The following DMD variants were observed in gnomAD, a reference collection of about 807,000 sequenced individuals.
DMD encodes the protein dystrophin.
Under a neutral mutation model 330.1 loss-of-function variants are expected in DMD, and 63 were observed. The ratio of observed to expected loss-of-function variants is 0.19; its 90% CI spans 0.16 to 0.24. DMD has a LOEUF of 0.24. DMD is among the 10% of genes least tolerant of loss of function. The probability of loss-of-function intolerance (pLI) is 1.00; values close to 1 mark genes in which losing one functional copy is unlikely to be tolerated. For missense variants in DMD, 3,344 were observed against 2,684.1 expected (o/e 1.25, Z -5.43); for synonymous variants, 1,223 against 959.8 (o/e 1.27, Z -5.07).
rs181219849 is a variant in DMD, at chrX:32,658,002, C to T, written c.961-12850G>A. ...AAATCAAAACAAAATACACATATCT[C>T]GTGAAAACTTATTATTTCAAATTGA... On this transcript the variant is annotated intron_variant, in intron 9 of 78. Coordinates refer to ENST00000357033, the MANE Select transcript of DMD (RefSeq NM_004006.3). Among the ~76,000 whole-genome samples the T allele has an allele frequency of 3.6e-5, 4 of 111,356 alleles. No homozygotes were observed. The East Asian group carries it at 8.5e-4, about 24-fold the overall frequency.
chrX:33,259,400 C>T (rs989175411), intron 1 of DMD, among the ~76,000 whole-genome samples: 1 of 110,162 alleles, frequency 9.1e-6, no homozygotes, highest in Non-Finnish European at 1.9e-5. Flanking sequence ...AAGTATTCAA[C>T]GATGTGTCCA....
chrX:31,305,615 T>G (rs2054967377), intron 62 of DMD, among the ~76,000 whole-genome samples: 1 of 112,099 alleles, frequency 8.9e-6, no homozygotes. Context: ...TGGCTCTTCA[T>G]ATTTCCTCAC....
intron 1 of DMD, among the ~76,000 whole-genome samples, chrX:33,337,209 C>T (rs1159808615): frequency 9.0e-6 from 1 of 111,384 alleles, no homozygotes; most frequent in Non-Finnish European, 1.9e-5. Context: ...CACATTTTTT[C>T]GAAGGAGACA....
chrX:32,872,369 G>A (rs1318096712), intron 2 of DMD, among the ~76,000 whole-genome samples: 3 of 111,778 alleles, frequency 2.7e-5, no homozygotes, highest in Non-Finnish European at 5.6e-5. Flanking sequence ...ATCACACACA[G>A]TGAATTGCTC....
At chrX:32,273,236 A>G (rs1226293395) in intron 43 of DMD, among the ~76,000 whole-genome samples, 4 of 110,250 alleles carry the variant, frequency 3.6e-5, no homozygotes, top group East Asian at 5.7e-4. Flanking sequence ...AGGGTTAACT[A>G]AAGACAAAGT....
rs773939250 is a variant in DMD at position 31,289,251 on chromosome X, C to CAA, written c.9225-28237_9225-28236dup. ...CTGCACTCCAGCCTGGGTGACAGAG[C>CAA]AAAAAAAAAAAAAATAAAAAATAAA... On this transcript the variant is annotated intron_variant, in intron 62 of 78. Coordinates refer to ENST00000357033, the MANE Select transcript of DMD (RefSeq NM_004006.3). 5.8e-3 allele frequency among the ~76,000 whole-genome samples: 136 copies of CAA among 23,524 alleles called. 8 individuals carry two copies. The highest frequency in any genetic ancestry group is 0.028 in the African/African-American group (129 of 4,540). 20.4% of individuals were successfully genotyped at this position (23,524 alleles called of 115,157 possible).
chrX:32,592,693 C>A (rs2055056812), intron 13 of DMD, among the ~76,000 whole-genome samples: 1 of 112,239 alleles, frequency 8.9e-6, no homozygotes, highest in Non-Finnish European at 1.9e-5. Flanking sequence ...AAACATGCCC[C>A]CCACTCACCA....
intron 7 of DMD, among the ~76,000 whole-genome samples, chrX:32,700,334 G>A (rs1320873208): frequency 2.7e-5 from 3 of 111,283 alleles, no homozygotes; most frequent in Non-Finnish European, 5.7e-5. Context: ...AGTACCACAT[G>A]ATCTCACTAA....
chrX:32,216,879 A>G (rs1569551375), intron 44 of DMD, 37 bp downstream of exon 44: 2 of 1,165,633 alleles, frequency 1.7e-6, no homozygotes, highest in East Asian at 6.0e-5. Flanking sequence ...TGTGCTGAAG[A>G]TAAATACAAT....
chrX:33,087,673 C>G (rs2095028220), intron 1 of DMD, among the ~76,000 whole-genome samples: 1 of 111,209 alleles, frequency 9.0e-6, no homozygotes, highest in Non-Finnish European at 1.9e-5. Flanking sequence ...TCACAGCCTC[C>G]CAGTAAAATA....
At chrX:31,523,247 A>G (rs2072993852) in intron 55 of DMD, among the ~76,000 whole-genome samples, 1 of 111,403 alleles carries the variant, frequency 9.0e-6, no homozygotes, top group African/African-American at 3.3e-5. Context: ...ATGCCTTTAT[A>G]AGAATGATGG....
intron 17 of DMD, among the ~76,000 whole-genome samples, chrX:32,541,473 A>G (rs992323363): frequency 8.0e-5 from 9 of 112,441 alleles, no homozygotes; most frequent in Non-Finnish European, 1.5e-4. Context: ...GTTGTTTTAT[A>G]AAGTGAGAAT....
chrX:31,197,424 G>A (rs1217511681), intron 67 of DMD, among the ~76,000 whole-genome samples: 1 of 107,359 alleles, frequency 9.3e-6, no homozygotes, highest in Non-Finnish European at 2.0e-5. Context: ...TAAAAGAGTA[G>A]AATTGGGAAT....
At chrX:32,266,884 T>C (rs1442869106) in intron 43 of DMD, among the ~76,000 whole-genome samples, 2 of 112,206 alleles carry the variant, frequency 1.8e-5, no homozygotes, top group African/African-American at 3.2e-5. Context: ...CAGTTTGCAC[T>C]GAGACCAGTT....
intron 9 of DMD, among the ~76,000 whole-genome samples, chrX:32,666,898 A>T (rs758407561): frequency 1.0e-4 from 11 of 109,859 alleles, no homozygotes; most frequent in Admixed American, 2.9e-4. Flanking sequence ...CCACCATATG[A>T]CCCAAGAATC....
At chrX:32,404,729 G>A (rs56395123) in intron 30 of DMD, among the ~76,000 whole-genome samples, 19,673 of 110,831 alleles carry the variant, frequency 0.18, 1,705 homozygotes, top group African/African-American at 0.33. Context: ...TTTAAAAATT[G>A]CAAGACATTT....
intron 44 of DMD, among the ~76,000 whole-genome samples, chrX:32,081,557 C>G: frequency 8.9e-6 from 1 of 111,817 alleles, no homozygotes; most frequent in South Asian, 3.8e-4. Flanking sequence ...GCATATTAAA[C>G]TTTATTTTAG....
chrX:32,406,442 A>G (rs1444841049), intron 30 of DMD, among the ~76,000 whole-genome samples: 1 of 110,562 alleles, frequency 9.0e-6, no homozygotes, highest in Non-Finnish European at 1.9e-5. Context: ...TACCTAATTT[A>G]TTGAGAATTT....
At chrX:33,021,700 C>G (rs1217194085) in intron 1 of DMD, among the ~76,000 whole-genome samples, 1 of 111,459 alleles carries the variant, frequency 9.0e-6, no homozygotes, top group Non-Finnish European at 1.9e-5. Context: ...AAATAAATTT[C>G]AAACTGTCAT....
Sources: allele counts gnomAD v4.1 joint callset (sites outside exome capture counted in the v4.1 genomes callset), GRCh38; gene constraint gnomAD v4.1.1; transcripts MANE v1.5; gene names NCBI Gene and HGNC (gene_info 2026-07-23, HGNC 2026-07-21).